The following SIDT2 variants were observed in gnomAD, a reference collection of about 807,000 sequenced individuals.
The protein encoded by SIDT2 is SID1 transmembrane family, member 2.
A neutral mutation model predicts 114.4 loss-of-function variants in SIDT2; 68 were observed. The observed-to-expected ratio is 0.59, with a 90% CI of 0.49 to 0.73. The LOEUF (loss-of-function observed/expected upper bound fraction) is 0.73. Among genes scored for constraint, SIDT2 ranks in the 30% least tolerant of loss-of-function variants. The pLI, the probability that SIDT2 is intolerant of heterozygous loss-of-function variation, is 0.00. For synonymous variants in SIDT2, 470 were observed against 438.4 expected (o/e 1.07, Z -0.90); for missense variants, 918 against 1,097.1 (o/e 0.84, Z 2.31).
intron 10 of SIDT2, 49 bp downstream of exon 10, chr11:117,186,685 T>TGGG (rs745911846): frequency 1.6e-6 from 2 of 1,231,640 alleles, no homozygotes; most frequent in Non-Finnish European, 2.1e-6. Context: ...CTTTGTGTTT[T>TGGG]GGGGGGTGGT....
At chr11:117,181,644 A>AGGCTGGTC in intron 2 of SIDT2, 107 bp downstream of exon 2, 5 of 1,583,144 alleles carry the variant, frequency 3.2e-6, no homozygotes, top group Non-Finnish European at 4.3e-6. Flanking sequence ...CTGGGCTGGG[A>AGGCTGGTC]GGCTGGTCAA....
rs55970874 is a variant in SIDT2 at position 117,195,085 on chromosome 11, C to CAAA, written c.2323-690_2323-688dup. Among the ~76,000 whole-genome samples the CAAA allele has an allele frequency of 9.4e-4, 43 of 45,692 alleles. 9 individuals are homozygous for CAAA. The highest frequency in any genetic ancestry group is 8.7e-4 in the Non-Finnish European group (20 of 22,880). 30.0% of individuals were successfully genotyped at this position (45,692 alleles called of 152,430 possible). ...CTGTCAACAGAGCAAGACTCTGTCT[C>CAAA]AAAAAAAAAAAAAAAAAAAAAAAAA... On this transcript the variant is annotated intron_variant, in intron 24 of 25. Transcript: ENST00000324225.
chr11:117,192,631 G>A lies in SIDT2; in HGVS notation c.2039G>A (p.Cys680Tyr). ...HVLYTDCIRQCSGPLYVDRMV... is the reference protein window; with the variant it reads ...HVLYTDCIRQYSGPLYVDRMV... Reference sequence around the variant, plus strand: ...CTCTACACAGACTGCATCCGGCAGTGCAGCGGGCCGCTCTACGTGGTACCT... The same window carrying A: ...CTCTACACAGACTGCATCCGGCAGTACAGCGGGCCGCTCTACGTGGTACCT... Residue 680 changes from cysteine (C) to tyrosine (Y), a missense_variant, in exon 21 of 26, where the codon TGC becomes TAC. Physicochemically the swap from Cys to Tyr is radical, Grantham distance 194. Around this residue, in one of 4 missense-constraint regions of SIDT2, gnomAD observed 275 missense variants for 397.6 expected, o/e 0.69. Transcript: ENST00000324225. The surrounding 1 kb of genome is among the most constrained non-coding windows in gnomAD (Gnocchi z 5.9). 1.2e-6 allele frequency: 2 copies of A among 1,612,172 alleles called. No individual in the cohort carries two copies. Among genetic ancestry groups the A allele is most frequent in the South Asian group, 1.1e-5 (1 of 91,086 alleles).
Sources: allele counts gnomAD v4.1 joint callset (sites outside exome capture counted in the v4.1 genomes callset), GRCh38; gene constraint gnomAD v4.1.1; regional missense constraint gnomAD v4.1.1; non-coding constraint Gnocchi (gnomAD v3.1); transcripts MANE v1.5; gene names NCBI Gene and HGNC (gene_info 2026-07-23, HGNC 2026-07-21).